The following VCF1 variants were observed in gnomAD, a reference collection of about 807,000 sequenced individuals.
VCF1 encodes the protein VCP nuclear cofactor family member 1.
the VCF1 span, among the ~76,000 whole-genome samples, chr17:73,214,736 A>T: frequency 6.6e-6 from 1 of 152,226 alleles, no homozygotes; most frequent in African/African-American, 2.4e-5. Context: ...CGGCTTTGGA[A>T]ATGGAAACTG....
chr17:73,227,051 T>A, the VCF1 span: 1 of 793,070 alleles, frequency 1.3e-6, no homozygotes, highest in Middle Eastern at 2.8e-4. Context: ...TAAACCAGTA[T>A]AATCAACTAA....
the VCF1 span, among the ~76,000 whole-genome samples, chr17:73,230,868 G>C: frequency 3.9e-5 from 6 of 152,164 alleles, no homozygotes; most frequent in African/African-American, 1.4e-4. Context: ...ATTCAGATTA[G>C]TTATGTACAG....
chr17:73,229,574 T>TA, the VCF1 span: 2 of 985,262 alleles, frequency 2.0e-6, no homozygotes, highest in Non-Finnish European at 2.4e-6. Flanking sequence ...GAAATAATCT[T>TA]AAGAGTATGG....
chr17:73,232,214 C>T, the VCF1 span: 39 of 1,610,968 alleles, frequency 2.4e-5, no homozygotes, highest in Non-Finnish European at 3.1e-5. Context: ...CCTTGGCTCT[C>T]GCAGCCGCTC....
At chr17:73,229,183 G>A in the VCF1 span, 1 of 985,274 alleles carries the variant, frequency 1.0e-6, no homozygotes, top group African/African-American at 1.7e-5. Context: ...TAATCTCTTT[G>A]GCCTGTTGGT....
chr17:73,210,767 T>A, the VCF1 span, among the ~76,000 whole-genome samples: 3 of 150,912 alleles, frequency 2.0e-5, no homozygotes, highest in African/African-American at 7.3e-5. Flanking sequence ...ATTTTTTTTT[T>A]TTTTTTTTTT....
At chr17:73,224,424 G>A in the VCF1 span, among the ~76,000 whole-genome samples, 6 of 152,052 alleles carry the variant, frequency 3.9e-5, no homozygotes, top group African/African-American at 7.3e-5. Flanking sequence ...CAGTCTGGGT[G>A]ACAAAGCTTA....
the VCF1 span, among the ~76,000 whole-genome samples, chr17:73,217,459 G>A: frequency 6.6e-6 from 1 of 151,802 alleles, no homozygotes; most frequent in Non-Finnish European, 1.5e-5. Flanking sequence ...AGACCATCCT[G>A]GCCAACATGG....
chr17:73,232,164 G>A, the VCF1 span: 8 of 1,610,108 alleles, frequency 5.0e-6, no homozygotes, highest in Admixed American at 1.7e-5. Flanking sequence ...GGGAACAGAG[G>A]GGGTTGTGTT....
the VCF1 span, among the ~76,000 whole-genome samples, chr17:73,218,901 T>C: frequency 1.3e-5 from 2 of 151,992 alleles, no homozygotes; most frequent in African/African-American, 4.8e-5. Context: ...GCGCCTGTAG[T>C]CCCAGCTACT....
chr17:73,227,771 G>T, the VCF1 span: 1 of 458,420 alleles, frequency 2.2e-6, no homozygotes, highest in Non-Finnish European at 2.9e-6. Context: ...CCGGTATTAT[G>T]ATATAACAAT....
chr17:73,212,283 C>T, the VCF1 span, among the ~76,000 whole-genome samples: 60 of 152,208 alleles, frequency 3.9e-4, no homozygotes, highest in Non-Finnish European at 5.9e-5. Flanking sequence ...GATAACTTAT[C>T]TGAAACAATG....
At chr17:73,217,849 G>A in the VCF1 span, among the ~76,000 whole-genome samples, 1 of 151,838 alleles carries the variant, frequency 6.6e-6, no homozygotes, top group Admixed American at 6.6e-5. Flanking sequence ...GCGTGCGCCT[G>A]GAGTCCCAGC....
chr17:73,215,266 T>C, the VCF1 span, among the ~76,000 whole-genome samples: 1 of 152,212 alleles, frequency 6.6e-6, no homozygotes, highest in African/African-American at 2.4e-5. Flanking sequence ...ATACAATCTA[T>C]TTTGGAATTA....
At chr17:73,218,423 G>T in the VCF1 span, among the ~76,000 whole-genome samples, 1 of 152,174 alleles carries the variant, frequency 6.6e-6, no homozygotes, top group Admixed American at 6.5e-5. Context: ...GGTGAAACTG[G>T]ACCACACAAT....
the VCF1 span, chr17:73,208,145 G>A: frequency 3.8e-5 from 57 of 1,509,504 alleles, no homozygotes; most frequent in African/African-American, 5.5e-5. Flanking sequence ...ATGCTGTTCC[G>A]TGTCCTCTTC....
the VCF1 span, chr17:73,227,175 C>A: frequency 6.3e-7 from 1 of 1,584,420 alleles, no homozygotes; most frequent in Non-Finnish European, 8.6e-7. Flanking sequence ...CTCTGTGTCC[C>A]AGGAATCCTG....
chr17:73,223,140 A>G, the VCF1 span, among the ~76,000 whole-genome samples: 3 of 152,166 alleles, frequency 2.0e-5, no homozygotes, highest in Non-Finnish European at 1.5e-5. Context: ...CAACATGGAG[A>G]AACCTTGCCT....
the VCF1 span, among the ~76,000 whole-genome samples, chr17:73,218,125 G>C: frequency 3.9e-4 from 60 of 152,214 alleles, no homozygotes; most frequent in Middle Eastern, 3.4e-3. Context: ...CTGGAGTCAT[G>C]ATGAAGCTCA....
Sources: gnomAD v4.1 joint callset for allele counts (sites outside exome capture counted in the v4.1 genomes callset) on GRCh38, gnomAD v4.1.1 for gene constraint, MANE v1.5 for transcripts, NCBI Gene and HGNC (gene_info 2026-07-23, HGNC 2026-07-21) for gene names.